The following KCNQ1 variants were observed in gnomAD, a reference collection of about 807,000 sequenced individuals.
KCNQ1 encodes potassium voltage-gated channel subfamily Q member 1.
A neutral mutation model predicts 72.4 loss-of-function variants in KCNQ1; 49 were observed. That is an observed-to-expected ratio of 0.68 (90% CI 0.54 to 0.86). KCNQ1 has a LOEUF of 0.86. Among genes scored for constraint, KCNQ1 ranks in the 40% least tolerant of loss-of-function variants. The pLI, the probability that KCNQ1 is intolerant of heterozygous loss-of-function variation, is 0.00. For missense variants in KCNQ1, 790 were observed against 945.1 expected, an observed-to-expected ratio of 0.84 and a Z score of 2.15; for synonymous variants, 450 against 412.6, an observed-to-expected ratio of 1.09 and a Z score of -1.10.
At chr11:2,672,233 C>A (rs1204384106) in intron 11 of KCNQ1, 1 of 398,546 alleles carries the variant, frequency 2.5e-6, no homozygotes, top group African/African-American at 2.1e-5. Flanking sequence ...GTCCAAAATA[C>A]TCAAATGCTT....
rs967880826 is a variant in KCNQ1, at chr11:2,734,979, C to T, written c.1515-33865C>T. ...GCCCCGGAGTGGCCGCGTGCCCAGC[C>T]GGCTGTGCACGCTGCCCCAGGCTGG... is the stretch of plus-strand genomic sequence containing the variant. On this transcript the variant is annotated intron_variant, in intron 11 of 15. Coordinates refer to ENST00000155840, the MANE Select transcript of KCNQ1 (RefSeq NM_000218.3). This position sits in a 1 kb window ranked among gnomAD's most constrained non-coding sequence, Gnocchi z 7.0. Among the ~76,000 whole-genome samples the T allele has an allele frequency of 3.9e-5, 6 of 151,998 alleles. No individual in the cohort carries two copies. Among genetic ancestry groups the T allele is most frequent in the South Asian group, 2.1e-4 (1 of 4,816 alleles).
chr11:2,836,081 G>C (rs377038154), intron 15 of KCNQ1, among the ~76,000 whole-genome samples: 2 of 152,116 alleles, frequency 1.3e-5, no homozygotes, highest in African/African-American at 2.4e-5. Flanking sequence ...CGTGGCGGGG[G>C]TGGGGGTCAG....
At chr11:2,528,132 C>T (rs1847544117) in intron 2 of KCNQ1, 114 bp downstream of exon 2, 1 of 914,286 alleles carries the variant, frequency 1.1e-6, no homozygotes. Flanking sequence ...CCCTTGCCCA[C>T]ACATTGGTCC....
intron 2 of KCNQ1, among the ~76,000 whole-genome samples, chr11:2,532,087 C>G (rs372226570): frequency 1.3e-5 from 2 of 152,308 alleles, no homozygotes; most frequent in East Asian, 3.9e-4. Context: ...CAGCACTCAG[C>G]CTCTTGTCAG....
chr11:2,626,402 C>T lies in KCNQ1; in HGVS notation c.1394-35559C>T, dbSNP rs12575958. On this transcript the variant is annotated intron_variant, in intron 10 of 15. Coordinates refer to ENST00000155840, the MANE Select transcript of KCNQ1 (RefSeq NM_000218.3). The surrounding 1 kb of genome is among the most constrained non-coding windows in gnomAD (Gnocchi z 4.0). Reference sequence around the variant, plus strand: ...CTTTCCCTATTGAATGGTCTTGGCACTCTTCTCAGGAATCATTTGATCATG... The same window carrying T: ...CTTTCCCTATTGAATGGTCTTGGCATTCTTCTCAGGAATCATTTGATCATG... 54,581 of 398,446 alleles carry T rather than the reference C, an allele frequency of 0.14. 3,887 individuals carry two copies. The highest frequency in any genetic ancestry group is 0.16 in the Middle Eastern group (252 of 1,588). The allele number at this position is 398,446 out of a possible 1,614,324, so 24.7% of individuals were successfully genotyped here.
rs544453640 is a variant in KCNQ1 at position 2,645,530 on chromosome 11, G to A, written c.1394-16431G>A. The A allele has an allele frequency of 3.5e-4, 140 of 398,750 alleles. 1 individual carries two copies. Among genetic ancestry groups the A allele is most frequent in the African/African-American group, 2.4e-3 (119 of 48,752 alleles). 24.7% of individuals were successfully genotyped at this position (398,750 alleles called of 1,614,324 possible). The stretch of plus-strand genomic sequence containing the variant: ...ACTCTATTGCAGCCCTACTCCTGGG[G>A]AAGTTGAGTGGGATTGCTTTCAGTG... On this transcript the variant is annotated intron_variant, in intron 10 of 15. Transcript: ENST00000155840. The surrounding 1 kb of genome is among the most constrained non-coding windows in gnomAD (Gnocchi z 5.8).
At chr11:2,586,656 G>A (rs113937558) in intron 8 of KCNQ1, among the ~76,000 whole-genome samples, 91 of 152,288 alleles carry the variant, frequency 6.0e-4, no homozygotes, top group African/African-American at 2.0e-3. Flanking sequence ...GCCTGTGTGT[G>A]TAACACTCGG....
Position 2,462,578 on chromosome 11 carries a change from TC to T in KCNQ1, c.386+17097del, listed in dbSNP as rs1846294553. ...CTGTTACTGAGTGGCAGGGACGTGC[TC>T]CCACACCCCCATGCGCCATCCTGCA... On this transcript the variant is annotated intron_variant, in intron 1 of 15. Transcript: ENST00000155840. The surrounding 1 kb of genome is among the most constrained non-coding windows in gnomAD (Gnocchi z 8.2). Among the ~76,000 whole-genome samples, 1 of 152,086 alleles carries T rather than the reference TC, an allele frequency of 6.6e-6. No homozygotes were observed. Among genetic ancestry groups the T allele is most frequent in the African/African-American group, 2.4e-5 (1 of 41,404 alleles).
intron 10 of KCNQ1, chr11:2,660,466 A>G (rs575169456): frequency 1.3e-5 from 5 of 398,656 alleles, no homozygotes; most frequent in East Asian, 3.6e-5. Context: ...ATTCAGGTGA[A>G]AAAACAGACT....
chr11:2,698,463 T>C lies in KCNQ1; in HGVS notation c.1514+36382T>C. On this transcript the variant is annotated intron_variant, in intron 11 of 15. Coordinates refer to ENST00000155840, the MANE Select transcript of KCNQ1 (RefSeq NM_000218.3). This position sits in a 1 kb window ranked among gnomAD's most constrained non-coding sequence, Gnocchi z 5.1. The stretch of plus-strand genomic sequence containing the variant: ...ACTGAGACCTGCATCTGATCAACTC[T>C]CATCTCCAATATGACCAAGAGACTT... 1 of 398,498 alleles carries C rather than the reference T, an allele frequency of 2.5e-6. No homozygotes were observed. 24.7% of individuals were successfully genotyped at this position (398,498 alleles called of 1,614,324 possible). A position where few individuals can be genotyped will look rare whatever the true frequency, so the allele number is the denominator to read the frequency against.
At position 2,585,245 on chromosome 11, in the gene KCNQ1, C is replaced by G. The variant is rs397508072; in HGVS notation, c.1066C>G (p.Gln356Glu). The G allele has an allele frequency of 6.2e-7, 1 of 1,613,962 alleles. No homozygotes were observed. Among genetic ancestry groups the G allele is most frequent in the Non-Finnish European group, 8.5e-7 (1 of 1,180,016 alleles). ...ILGSGFALKV[Q>E]QKQRQKHFNR... ...TGGCTCGGGGTTTGCCCTGAAGGTGCAGCAGAAGCAGAGGCAGAAGCACTT... is the reference window on the plus strand; with the variant it reads ...TGGCTCGGGGTTTGCCCTGAAGGTGGAGCAGAAGCAGAGGCAGAAGCACTT... The change falls in exon 8 of 16, where the codon CAG becomes GAG. Residue 356 changes from glutamine to glutamate, a missense_variant. This residue lies in a region of KCNQ1 where 133 missense variants were observed against 219.5 expected (regional missense o/e 0.61). Transcript: ENST00000155840.
At chr11:2,576,712 G>A (rs1848428462) in intron 6 of KCNQ1, among the ~76,000 whole-genome samples, 1 of 152,270 alleles carries the variant, frequency 6.6e-6, no homozygotes, top group East Asian at 1.9e-4. Context: ...AGAAGGGGCT[G>A]GGGGCTGGTG....
rs1846105913 is a variant in KCNQ1 at position 2,450,485 on chromosome 11, G to T, written c.386+5001G>T. On this transcript the variant is annotated intron_variant, in intron 1 of 15. Transcript: ENST00000155840. The surrounding 1 kb of genome is among the most constrained non-coding windows in gnomAD (Gnocchi z 7.9). ...CCCAAGGATTTGGTTACAGAGGGGA[G>T]GGCGGCAGCGTCTGGCTTCACTCTC... Among the ~76,000 whole-genome samples, 1 of 152,148 alleles carries T rather than the reference G, an allele frequency of 6.6e-6. No individual in the cohort carries two copies. Among genetic ancestry groups the T allele is most frequent in the Admixed American group, 6.5e-5 (1 of 15,272 alleles).
At chr11:2,662,331 A>AC (rs1849974891) in intron 11 of KCNQ1, 4 of 575,160 alleles carry the variant, frequency 7.0e-6, no homozygotes, top group Admixed American at 6.1e-5. Context: ...ATCATTTTCC[A>AC]CTTGTTTTCA....
Position 2,658,715 on chromosome 11 carries a change from A to C in KCNQ1, c.1394-3246A>C, listed in dbSNP as rs1156244920. 2.5e-6 allele frequency: 1 copy of C among 398,470 alleles called. No individual in the cohort carries two copies. The allele number at this position is 398,470 out of a possible 1,614,324, so 24.7% of individuals were successfully genotyped here. On this transcript the variant is annotated intron_variant, in intron 10 of 15. Transcript: ENST00000155840. The surrounding 1 kb of genome is among the most constrained non-coding windows in gnomAD (Gnocchi z 4.9). Reference sequence around the variant, plus strand: ...ATATGTATGTATGTAACCTGAGTACACATACATCTTTACATATCTGTATCT... The same window carrying C: ...ATATGTATGTATGTAACCTGAGTACCCATACATCTTTACATATCTGTATCT...
intron 10 of KCNQ1, chr11:2,650,386 C>G (rs1849738737): frequency 2.5e-6 from 1 of 398,516 alleles, no homozygotes; most frequent in Non-Finnish European, 4.4e-6. Flanking sequence ...CAGAGACTTC[C>G]AATTTTATGG....
intron 6 of KCNQ1, among the ~76,000 whole-genome samples, chr11:2,580,520 G>A (rs750718390): frequency 2.6e-5 from 4 of 152,168 alleles, no homozygotes; most frequent in Non-Finnish European, 4.4e-5. Flanking sequence ...CCCAGAGGAC[G>A]GGGATCCCCA....
intron 3 of KCNQ1, among the ~76,000 whole-genome samples, chr11:2,570,965 T>G (rs1363395535): frequency 6.6e-6 from 1 of 152,170 alleles, no homozygotes; most frequent in East Asian, 1.9e-4. Context: ...GGTAGGGGGT[T>G]GGTCCCTCAC....
At chr11:2,838,723 C>T (rs2981603) in intron 15 of KCNQ1, among the ~76,000 whole-genome samples, 1 of 152,144 alleles carries the variant, frequency 6.6e-6, no homozygotes, top group Non-Finnish European at 1.5e-5. Context: ...GCCCTGGCTT[C>T]CCCTGCCCAC....
Sources: gnomAD v4.1 joint callset for allele counts (sites outside exome capture counted in the v4.1 genomes callset) on GRCh38, gnomAD v4.1.1 for gene constraint, gnomAD v4.1.1 regional missense constraint, Gnocchi (gnomAD v3.1) non-coding constraint, MANE v1.5 for transcripts, NCBI Gene and HGNC (gene_info 2026-07-23, HGNC 2026-07-21) for gene names.